PDCD6IP: variants seen among roughly 807,000 people sequenced by gnomAD.
PDCD6IP encodes the protein programmed cell death 6-interacting protein.
Under a neutral mutation model 103.7 loss-of-function variants are expected in PDCD6IP, and 43 were observed. The ratio of observed to expected loss-of-function variants is 0.41; its 90% CI spans 0.32 to 0.53. PDCD6IP has a LOEUF of 0.53. Ranked by LOEUF, PDCD6IP falls within the 20% of genes least tolerant of loss-of-function variation. PDCD6IP has a pLI of 0.16. For synonymous variants in PDCD6IP, 354 were observed against 378.7 expected, an observed-to-expected ratio of 0.93 and a Z score of 0.76; for missense variants, 871 against 1,036.7, an observed-to-expected ratio of 0.84 and a Z score of 2.20.
intron 6 of PDCD6IP, chr3:33,826,895 G>T: frequency 3.6e-6 from 4 of 1,102,796 alleles, no homozygotes; most frequent in African/African-American, 1.7e-5. Flanking sequence ...TGAATCATTG[G>T]TGATTTGGTA....
In PDCD6IP at chr3:33,866,672, C is replaced by T; in HGVS notation, c.*147C>T. On this transcript the variant is annotated 3_prime_UTR_variant, in exon 18 of 18. Transcript: ENST00000307296. ...TATAATTTCTGTCTACAGCTAGAAG[C>T]TGTGCCCCAGTTCCACATTTGATTA... 1 of 541,122 alleles carries T rather than the reference C, an allele frequency of 1.8e-6. No homozygotes were observed. Among genetic ancestry groups the T allele is most frequent in the Non-Finnish European group, 3.0e-6 (1 of 336,718 alleles). 33.5% of individuals were successfully genotyped at this position (541,122 alleles called of 1,614,324 possible).
chr3:33,840,804 A>G (rs903194262), intron 9 of PDCD6IP, among the ~76,000 whole-genome samples: 13 of 152,340 alleles, frequency 8.5e-5, no homozygotes, highest in Admixed American at 3.3e-4. Context: ...ATGTGAAATT[A>G]TAACTATTGA....
rs774055965 is a variant in PDCD6IP at position 33,798,890 on chromosome 3, C to A, written c.162C>A (p.Val54=). The A allele has an allele frequency of 6.5e-7, 1 of 1,547,660 alleles. No homozygotes were observed. Among genetic ancestry groups the A allele is most frequent in the South Asian group, 1.2e-5 (1 of 83,938 alleles). The change falls in exon 1 of 18, where the codon GTC becomes GTA. Residue 54 remains valine, a synonymous_variant. Coordinates refer to ENST00000307296, the MANE Select transcript of PDCD6IP (RefSeq NM_013374.6). ...EELSKLRRAA[V]GRPLDKHEGA... ...TCAGCAAGCTGCGCCGCGCCGCAGTCGGTCGTCCGCTGGACAAGCACGAGG... is the reference window on the plus strand; with the variant it reads ...TCAGCAAGCTGCGCCGCGCCGCAGTAGGTCGTCCGCTGGACAAGCACGAGG...
chr3:33,841,433 CT>C (rs1301369045), intron 9 of PDCD6IP, among the ~76,000 whole-genome samples: 1,783 of 60,878 alleles, frequency 0.029, 8 homozygotes, highest in African/African-American at 0.11. Flanking sequence ...CTTTGCTTTG[CT>C]TTTTTTTTTT....
intron 7 of PDCD6IP, among the ~76,000 whole-genome samples, chr3:33,831,184 T>TGA (rs1262112481): frequency 2.6e-5 from 4 of 152,054 alleles, no homozygotes; most frequent in African/African-American, 4.8e-5. Flanking sequence ...TTGGTCATCT[T>TGA]GGTGGATCTT....
intron 14 of PDCD6IP, 23 bp from the exon 15 acceptor site, chr3:33,855,143 T>G: frequency 6.8e-7 from 1 of 1,463,178 alleles, no homozygotes; most frequent in Non-Finnish European, 9.6e-7. Flanking sequence ...TGTTCCTTAC[T>G]TGTATTTGTT....
intron 4 of PDCD6IP, among the ~76,000 whole-genome samples, chr3:33,823,928 A>T (rs974629150): frequency 4.6e-5 from 7 of 152,214 alleles, no homozygotes; most frequent in African/African-American, 1.7e-4. Context: ...GTGAGGGTTC[A>T]CAGCAGGGCA....
At chr3:33,847,029 A>G (rs1278252842) in intron 12 of PDCD6IP, among the ~76,000 whole-genome samples, 1 of 152,234 alleles carries the variant, frequency 6.6e-6, no homozygotes, top group Non-Finnish European at 1.5e-5. Flanking sequence ...TTTTGAGGAC[A>G]TAGGGGAGAA....
intron 12 of PDCD6IP, among the ~76,000 whole-genome samples, chr3:33,850,615 A>G (rs1697692841): frequency 6.6e-6 from 1 of 152,102 alleles, no homozygotes; most frequent in Non-Finnish European, 1.5e-5. Flanking sequence ...CTTCTGTCTT[A>G]CTCAAATTGC....
At chr3:33,864,173 C>A in intron 16 of PDCD6IP, 44 bp downstream of exon 16, 2 of 1,114,048 alleles carry the variant, frequency 1.8e-6, no homozygotes, top group Non-Finnish European at 2.7e-6. Context: ...TTTACATTAA[C>A]GATGATTACT....
chr3:33,803,390 A>G (rs1321606528), intron 1 of PDCD6IP, among the ~76,000 whole-genome samples: 1 of 152,076 alleles, frequency 6.6e-6, no homozygotes, highest in Non-Finnish European at 1.5e-5. Context: ...CTCTTATTTT[A>G]CTGAGGTTGA....
At chr3:33,840,302 T>C (rs1033152168) in intron 9 of PDCD6IP, among the ~76,000 whole-genome samples, 1 of 152,202 alleles carries the variant, frequency 6.6e-6, no homozygotes, top group Non-Finnish European at 1.5e-5. Context: ...GTCTTCATCC[T>C]TGTCTATTTC....
At chr3:33,861,244 A>C (rs1697946425) in intron 15 of PDCD6IP, among the ~76,000 whole-genome samples, 1 of 151,632 alleles carries the variant, frequency 6.6e-6, no homozygotes, top group African/African-American at 2.4e-5. Context: ...TCCTGGGTTC[A>C]AGCAATTCTC....
intron 12 of PDCD6IP, among the ~76,000 whole-genome samples, chr3:33,850,451 C>T (rs1169053967): frequency 6.6e-6 from 1 of 151,998 alleles, no homozygotes; most frequent in Non-Finnish European, 1.5e-5. Flanking sequence ...TTCCTGTATA[C>T]TTGCTGTAAG....
intron 14 of PDCD6IP, among the ~76,000 whole-genome samples, chr3:33,854,449 T>A (rs1697786400): frequency 6.6e-6 from 1 of 152,198 alleles, no homozygotes; most frequent in African/African-American, 2.4e-5. Context: ...GTCAGAAGGC[T>A]TACTGAATAT....
chr3:33,798,977 C>A, intron 1 of PDCD6IP, 40 bp downstream of exon 1: 1 of 1,449,400 alleles, frequency 6.9e-7, no homozygotes, highest in South Asian at 1.3e-5. Context: ...GTCTGCCAGC[C>A]GTCGCTCGCC....
rs945770519 is a variant in PDCD6IP, at chr3:33,825,312, A to C, written c.588A>C (p.Gln196His). ...GTCTTATTATGCTGGCACAGGCTCA[A>C]GAAGTATTTTTTTTAAAAGCCACAA... is the stretch of plus-strand genomic sequence containing the variant. Reference protein sequence around the residue: ...TLSLIMLAQAQEVFFLKATRD... With the variant: ...TLSLIMLAQAHEVFFLKATRD... The change falls in exon 5 of 18, where the codon CAA becomes CAC. Residue 196 changes from glutamine to histidine, a missense_variant. This residue lies in a region of PDCD6IP where 242 missense variants were observed against 250.7 expected (regional missense o/e 0.97). Coordinates refer to ENST00000307296, the MANE Select transcript of PDCD6IP (RefSeq NM_013374.6). The C allele has an allele frequency of 6.2e-7, 1 of 1,604,380 alleles. No individual in the cohort carries two copies. The highest frequency in any genetic ancestry group is 1.3e-5 in the African/African-American group (1 of 74,190).
At chr3:33,810,279 A>G (rs540360280) in intron 1 of PDCD6IP, among the ~76,000 whole-genome samples, 18 of 152,242 alleles carry the variant, frequency 1.2e-4, no homozygotes, top group Admixed American at 2.0e-4. Flanking sequence ...CTTTTCCTCA[A>G]TGGGCTCTTA....
At chr3:33,813,727 C>A (rs753048318) in intron 3 of PDCD6IP, 99 bp downstream of exon 3, 1 of 710,752 alleles carries the variant, frequency 1.4e-6, no homozygotes, top group Non-Finnish European at 2.5e-6. Context: ...TTTGTAAATA[C>A]TAAAGTTTTT....
Sources: gnomAD v4.1 joint callset for allele counts (sites outside exome capture counted in the v4.1 genomes callset) on GRCh38, gnomAD v4.1.1 for gene constraint, gnomAD v4.1.1 regional missense constraint, MANE v1.5 for transcripts, NCBI Gene and HGNC (gene_info 2026-07-23, HGNC 2026-07-21) for gene names.